The following SMYD3 variants were observed in gnomAD, a reference collection of about 807,000 sequenced individuals.
SMYD3 encodes histone-lysine N-methyltransferase SMYD3.
In SMYD3, 36 loss-of-function variants were observed where a neutral mutation model predicts 57.7. That is an observed-to-expected ratio of 0.62 (90% confidence interval 0.48 to 0.82). SMYD3 has a LOEUF of 0.82. Among genes scored for constraint, SMYD3 ranks in the 40% least tolerant of loss-of-function variants. SMYD3 has a pLI of 0.00. For missense variants in SMYD3, 515 were observed against 538.8 expected, an observed-to-expected ratio of 0.96 and a Z score of 0.44; for synonymous variants, 211 against 195.0, an observed-to-expected ratio of 1.08 and a Z score of -0.68.
intron 5 of SMYD3, among the ~76,000 whole-genome samples, chr1:246,162,888 C>T (rs2062146057): frequency 6.6e-6 from 1 of 152,192 alleles, no homozygotes; most frequent in Non-Finnish European, 1.5e-5. Context: ...AATATATATC[C>T]TAAGTGGCTT....
rs1238939357 is a variant in SMYD3 at position 246,254,335 on chromosome 1, A to G, written c.531+72866T>C. 3.3e-5 allele frequency among the ~76,000 whole-genome samples: 5 copies of G among 152,224 alleles called. No homozygotes were observed. In the South Asian group the frequency reaches 1.0e-3, roughly 32 times the overall value. On this transcript the variant is annotated intron_variant, in intron 5 of 11. Transcript: ENST00000490107. ...TATATAAGATGAAAGGTAAGGGTCC[A>G]GTTCCATTCTTCTGCCTATGGCTGG... is the stretch of plus-strand genomic sequence containing the variant.
At chr1:246,443,006 T>C (rs75820965) in intron 1 of SMYD3, among the ~76,000 whole-genome samples, 13,847 of 152,304 alleles carry the variant, frequency 0.091, 925 homozygotes, top group East Asian at 0.29. Flanking sequence ...CTCTACTGTA[T>C]TTAAATTCTT....
intron 5 of SMYD3, among the ~76,000 whole-genome samples, chr1:246,156,521 C>T (rs1228720183): frequency 6.6e-6 from 1 of 152,178 alleles, no homozygotes; most frequent in Non-Finnish European, 1.5e-5. Flanking sequence ...GGTGAACTCA[C>T]AGAAACCTAC....
At chr1:246,261,962 T>C (rs1368487374) in intron 5 of SMYD3, among the ~76,000 whole-genome samples, 1 of 152,222 alleles carries the variant, frequency 6.6e-6, no homozygotes, top group Non-Finnish European at 1.5e-5. Flanking sequence ...AAAAATAAGC[T>C]GTTCAAATTC....
At chr1:246,096,685 T>C (rs760644795) in intron 5 of SMYD3, among the ~76,000 whole-genome samples, 2 of 152,218 alleles carry the variant, frequency 1.3e-5, no homozygotes, top group Non-Finnish European at 2.9e-5. Context: ...AGGCAATGTA[T>C]ATGAAAAAGA....
chr1:246,358,092 A>C (rs2065933977), intron 1 of SMYD3, among the ~76,000 whole-genome samples: 1 of 152,232 alleles, frequency 6.6e-6, no homozygotes, highest in Non-Finnish European at 1.5e-5. Flanking sequence ...ATAAGGACTC[A>C]CATAAACTTA....
chr1:246,081,411 G>A (rs891100578), intron 5 of SMYD3, among the ~76,000 whole-genome samples: 1 of 150,676 alleles, frequency 6.6e-6, no homozygotes, highest in African/African-American at 2.4e-5. Context: ...TCTTTTTTTT[G>A]AGACAGAGTC....
At chr1:246,083,514 C>CGGGTCCTCCGTATGCTGAGCGT (rs539230610) in intron 5 of SMYD3, among the ~76,000 whole-genome samples, 1 of 150,552 alleles carries the variant, frequency 6.6e-6, no homozygotes, top group South Asian at 2.1e-4. Flanking sequence ...GGTGCCGGCG[C>CGGGTCCTCCGTATGCTGAGCGT]GGGTCCCCTG....
At chr1:246,488,329 C>A (rs993950282) in intron 1 of SMYD3, among the ~76,000 whole-genome samples, 1 of 152,112 alleles carries the variant, frequency 6.6e-6, no homozygotes, top group African/African-American at 2.4e-5. Flanking sequence ...GAAATTCAGT[C>A]AAAAAGCAAA....
At chr1:246,316,736 C>T (rs1446919572) in intron 5 of SMYD3, among the ~76,000 whole-genome samples, 2 of 148,582 alleles carry the variant, frequency 1.3e-5, no homozygotes, top group East Asian at 2.1e-4. Context: ...TGGCTCATGC[C>T]TGTAATCCCA....
intron 5 of SMYD3, among the ~76,000 whole-genome samples, chr1:245,946,645 G>A (rs1214175084): frequency 1.3e-5 from 2 of 152,184 alleles, no homozygotes; most frequent in Non-Finnish European, 2.9e-5. Flanking sequence ...AAGGAAGTAC[G>A]TACAGGCAGA....
chr1:246,162,800 T>C (rs2062144366), intron 5 of SMYD3, among the ~76,000 whole-genome samples: 1 of 152,200 alleles, frequency 6.6e-6, no homozygotes. Context: ...AACTCAGACT[T>C]ACCTCACTTG....
intron 1 of SMYD3, among the ~76,000 whole-genome samples, chr1:246,400,182 G>A (rs993345206): frequency 3.3e-5 from 5 of 152,152 alleles, no homozygotes; most frequent in Admixed American, 6.6e-5. Context: ...CAGGTCACTC[G>A]TTCATTTATT....
At chr1:246,147,007 G>C (rs574216374) in intron 5 of SMYD3, among the ~76,000 whole-genome samples, 1 of 152,088 alleles carries the variant, frequency 6.6e-6, no homozygotes, top group Non-Finnish European at 1.5e-5. Flanking sequence ...GACAGTGTTC[G>C]GCAGAGGACA....
chr1:246,295,781 A>G (rs949567247), intron 5 of SMYD3, among the ~76,000 whole-genome samples: 1 of 152,240 alleles, frequency 6.6e-6, no homozygotes, highest in Non-Finnish European at 1.5e-5. Flanking sequence ...AGCTATAGCC[A>G]TATGATCTGG....
At chr1:246,486,866 TACA>T (rs967405059) in intron 1 of SMYD3, among the ~76,000 whole-genome samples, 3 of 152,088 alleles carry the variant, frequency 2.0e-5, no homozygotes, top group African/African-American at 7.2e-5. Context: ...TTCTCCAATA[TACA>T]ACATTTAAAG....
At chr1:245,958,836 G>A (rs2057923550) in intron 5 of SMYD3, among the ~76,000 whole-genome samples, 1 of 152,116 alleles carries the variant, frequency 6.6e-6, no homozygotes. Flanking sequence ...TGGGGGAGTG[G>A]GCTATCTCAT....
At chr1:246,389,822 T>A (rs936863246) in intron 1 of SMYD3, among the ~76,000 whole-genome samples, 1 of 149,994 alleles carries the variant, frequency 6.7e-6, no homozygotes, top group African/African-American at 2.5e-5. Flanking sequence ...TCTGGGGACC[T>A]CCTTGTAGAA....
At chr1:246,343,888 T>C (rs2065669295) in intron 2 of SMYD3, among the ~76,000 whole-genome samples, 2 of 152,188 alleles carry the variant, frequency 1.3e-5, no homozygotes, top group African/African-American at 2.4e-5. Flanking sequence ...AATCTATGCA[T>C]ACTTAATAGC....
Sources: allele counts gnomAD v4.1 joint callset (sites outside exome capture counted in the v4.1 genomes callset), GRCh38; gene constraint gnomAD v4.1.1; transcripts MANE v1.5; gene names NCBI Gene and HGNC (gene_info 2026-07-23, HGNC 2026-07-21).